The following ADAMTS17 variants were observed in gnomAD, a reference collection of about 807,000 sequenced individuals.
ADAMTS17 encodes A disintegrin and metalloproteinase with thrombospondin motifs 17.
In ADAMTS17, 113 loss-of-function variants were observed where a neutral mutation model predicts 141.5. The ratio of observed to expected loss-of-function variants is 0.80; its 90% CI spans 0.69 to 0.93. The LOEUF (loss-of-function observed/expected upper bound fraction) is 0.93, where lower values mean the gene tolerates loss of function less well. Among genes scored for constraint, ADAMTS17 ranks in the 40% least tolerant of loss-of-function variants. The probability of loss-of-function intolerance (pLI) is 0.00; values close to 1 mark genes in which losing one functional copy is unlikely to be tolerated. For synonymous variants in ADAMTS17, 768 were observed against 630.6 expected (o/e 1.22, Z -3.27); for missense variants, 1,659 against 1,517.9 (o/e 1.09, Z -1.54).
chr15:100,334,855 A>G lies in ADAMTS17; in HGVS notation c.451-3801T>C, dbSNP rs567986242. Among the ~76,000 whole-genome samples, 5 of 152,166 alleles carry G rather than the reference A, an allele frequency of 3.3e-5. No homozygotes were observed. The South Asian group carries it at 1.0e-3, about 32-fold the overall frequency. On this transcript the variant is annotated intron_variant, in intron 2 of 21. Coordinates refer to ENST00000268070, the MANE Select transcript of ADAMTS17 (RefSeq NM_139057.4). ...ACCACTAGTCAGTGCCAGCCAGCCA[A>G]AAAGGACTGCCAGCCTGCCCTTCAG...
chr15:100,038,796 T>C (rs1020775768), intron 18 of ADAMTS17, among the ~76,000 whole-genome samples: 13 of 152,256 alleles, frequency 8.5e-5, no homozygotes, highest in Non-Finnish European at 1.3e-4. Flanking sequence ...CAAACATGGA[T>C]GCATTTTATT....
At chr15:100,191,059 A>G (rs2141589884) in intron 8 of ADAMTS17, among the ~76,000 whole-genome samples, 1 of 152,346 alleles carries the variant, frequency 6.6e-6, no homozygotes, top group East Asian at 1.9e-4. Flanking sequence ...TGACACAAGA[A>G]AACTACATCT....
intron 7 of ADAMTS17, among the ~76,000 whole-genome samples, chr15:100,245,466 T>C: frequency 6.6e-6 from 1 of 152,240 alleles, no homozygotes; most frequent in East Asian, 1.9e-4. Context: ...GTTTTGTTGG[T>C]CTCTGTCTAG....
chr15:100,028,985 A>G (rs56271387), intron 18 of ADAMTS17, among the ~76,000 whole-genome samples: 17,129 of 152,254 alleles, frequency 0.11, 2,583 homozygotes, highest in African/African-American at 0.35. Flanking sequence ...TTTCTTAGCA[A>G]GGCTGTTTGC....
intron 18 of ADAMTS17, among the ~76,000 whole-genome samples, chr15:100,045,674 C>G (rs2031628774): frequency 6.6e-6 from 1 of 152,140 alleles, no homozygotes; most frequent in Non-Finnish European, 1.5e-5. Flanking sequence ...TTCTCAGTTT[C>G]CAGCTGCTAT....
chr15:100,006,460 C>T (rs1166425499), intron 18 of ADAMTS17, among the ~76,000 whole-genome samples: 1 of 152,192 alleles, frequency 6.6e-6, no homozygotes, highest in Non-Finnish European at 1.5e-5. Flanking sequence ...TGCAAAGAAA[C>T]AATGCCATCA....
intron 10 of ADAMTS17, among the ~76,000 whole-genome samples, chr15:100,134,873 C>A (rs1217754562): frequency 1.3e-5 from 2 of 152,190 alleles, no homozygotes; most frequent in Non-Finnish European, 2.9e-5. Context: ...TGATTGTTCA[C>A]CCCTCAAAGG....
intron 10 of ADAMTS17, among the ~76,000 whole-genome samples, chr15:100,148,163 C>A (rs2141328844): frequency 6.6e-6 from 1 of 152,372 alleles, no homozygotes; most frequent in African/African-American, 2.4e-5. Flanking sequence ...AAAGTCCTTT[C>A]ACCATATAAA....
chr15:100,243,789 T>TAAAAAAAAAAAAAAAAAAAAAA (rs547134930), intron 7 of ADAMTS17, among the ~76,000 whole-genome samples: 1 of 93,470 alleles, frequency 1.1e-5, no homozygotes, highest in African/African-American at 4.4e-5. Flanking sequence ...GACTCCATCT[T>TAAAAAAAAAAAAAAAAAAAAAA]AAAAAAAAAA....
In ADAMTS17 at chr15:100,208,803, C is replaced by T. The variant is rs11629519; in HGVS notation, c.1076-9380G>A. Among the ~76,000 whole-genome samples, 99 of 152,168 alleles carry T rather than the reference C, an allele frequency of 6.5e-4. 1 individual carries two copies. Among genetic ancestry groups the T allele is most frequent in the Admixed American group, 2.7e-3 (42 of 15,300 alleles). On this transcript the variant is annotated intron_variant, in intron 7 of 21. Coordinates refer to ENST00000268070, the MANE Select transcript of ADAMTS17 (RefSeq NM_139057.4). ...AAGAATCTGGGAAGAGTCAAGGTCA[C>T]TGGACAATTTAGATAAGGGTATGTC...
chr15:99,987,543 T>C (rs1381419856), intron 20 of ADAMTS17, among the ~76,000 whole-genome samples: 1 of 152,158 alleles, frequency 6.6e-6, no homozygotes, highest in East Asian at 1.9e-4. Flanking sequence ...AAAAAGGCAG[T>C]GGAACCCATG....
intron 6 of ADAMTS17, among the ~76,000 whole-genome samples, chr15:100,255,617 A>AACACACACACACACACACACACAC (rs10529356): frequency 0.052 from 7,243 of 140,108 alleles, 268 homozygotes; most frequent in East Asian, 0.064. Flanking sequence ...TGTTTTGAGC[A>AACACACACACACACACACACACAC]ACACACACAC....
At chr15:100,256,063 C>G (rs1009615991) in intron 6 of ADAMTS17, among the ~76,000 whole-genome samples, 1 of 152,250 alleles carries the variant, frequency 6.6e-6, no homozygotes, top group Admixed American at 6.5e-5. Flanking sequence ...AAGCCACCTG[C>G]CTGCAGGGGC....
chr15:100,012,606 T>C (rs2061208417), intron 18 of ADAMTS17, among the ~76,000 whole-genome samples: 1 of 152,230 alleles, frequency 6.6e-6, no homozygotes, highest in African/African-American at 2.4e-5. Flanking sequence ...TACATGTGTC[T>C]AGCCAATTAT....
intron 7 of ADAMTS17, among the ~76,000 whole-genome samples, chr15:100,249,136 T>G (rs2043075270): frequency 6.6e-6 from 1 of 152,100 alleles, no homozygotes; most frequent in Non-Finnish European, 1.5e-5. Flanking sequence ...ATTCATCTGC[T>G]CACTCAAATC....
chr15:100,326,667 A>G (rs901029961), intron 3 of ADAMTS17, among the ~76,000 whole-genome samples: 1 of 152,214 alleles, frequency 6.6e-6, no homozygotes, highest in African/African-American at 2.4e-5. Context: ...GCATAGTCAC[A>G]TGAGTACTGG....
At chr15:100,271,045 A>G (rs7163928) in intron 4 of ADAMTS17, among the ~76,000 whole-genome samples, 97,087 of 151,590 alleles carry the variant, frequency 0.64, 31,541 homozygotes, top group East Asian at 0.83. Flanking sequence ...ATGTCTTCAC[A>G]GCTCATCTAT....
chr15:100,078,263 T>C (rs1246164423), intron 15 of ADAMTS17, among the ~76,000 whole-genome samples: 2 of 151,376 alleles, frequency 1.3e-5, no homozygotes, highest in Non-Finnish European at 2.9e-5. Context: ...AAAATTCAGA[T>C]GAAAATGCAA....
At chr15:100,132,187 C>T (rs1451774160) in intron 11 of ADAMTS17, 35 bp from the exon 12 acceptor site, 2 of 1,606,200 alleles carry the variant, frequency 1.2e-6, no homozygotes, top group Admixed American at 1.7e-5. Flanking sequence ...GGCCCAGGCA[C>T]TCAGCAGAGC....
Sources: gnomAD v4.1 joint callset for allele counts (sites outside exome capture counted in the v4.1 genomes callset) on GRCh38, gnomAD v4.1.1 for gene constraint, MANE v1.5 for transcripts, NCBI Gene and HGNC (gene_info 2026-07-23, HGNC 2026-07-21) for gene names.